MAP4: variants seen among roughly 807,000 people sequenced by gnomAD.
The protein encoded by MAP4 is microtubule associated protein 4.
In MAP4, 76 loss-of-function variants were observed where a neutral mutation model predicts 170.2. The observed-to-expected ratio is 0.45, with a 90% confidence interval of 0.37 to 0.54. The LOEUF is 0.54. Ranked by LOEUF, MAP4 falls within the 20% of genes least tolerant of loss-of-function variation. MAP4 has a pLI of 0.00. For missense variants in MAP4, 2,506 were observed against 2,748.0 expected (o/e 0.91, Z 1.97); for synonymous variants, 909 against 994.5 (o/e 0.91, Z 1.62).
intron 10 of MAP4, 46 bp from the exon 11 acceptor site, chr3:47,877,569 C>T (rs760919130): frequency 7.6e-7 from 1 of 1,312,232 alleles, no homozygotes; most frequent in Non-Finnish European, 1.1e-6. Context: ...AAACATTTTA[C>T]ATGCCCATTT....
In MAP4 at chr3:48,002,991, A is replaced by AAATTAATTAATT. The variant is rs1553716141; in HGVS notation, c.-19-4113_-19-4112insAATTAATTAATT. ...TAAATAAATAAATAAATAAATAAAT[A>AAATTAATTAATT]AATTTAATTCCATTTAGAAATATCT... On this transcript the variant is annotated intron_variant, in intron 1 of 20. Coordinates refer to ENST00000683076, the MANE Select transcript of MAP4 (RefSeq NM_001385682.1). Among the ~76,000 whole-genome samples, 670 of 150,650 alleles carry AAATTAATTAATT rather than the reference A, an allele frequency of 4.4e-3. 5 individuals carry two copies. Among genetic ancestry groups the AAATTAATTAATT allele is most frequent in the African/African-American group, 0.015 (631 of 40,790 alleles).
chr3:48,046,921 C>T (rs994589944), intron 1 of MAP4, among the ~76,000 whole-genome samples: 3 of 151,832 alleles, frequency 2.0e-5, no homozygotes, highest in South Asian at 4.2e-4. Context: ...GGTTAAACCC[C>T]GTCTCTACTA....
At chr3:47,915,845 G>T in intron 7 of MAP4, 106 bp downstream of exon 7, 1 of 1,321,280 alleles carries the variant, frequency 7.6e-7, no homozygotes, top group Non-Finnish European at 1.0e-6. Context: ...AACTTGCAAA[G>T]TACAGTGTGA....
chr3:47,870,612 A>G (rs1377872338), intron 15 of MAP4, among the ~76,000 whole-genome samples: 1 of 152,204 alleles, frequency 6.6e-6, no homozygotes, highest in East Asian at 1.9e-4. Context: ...TGAGACAGGA[A>G]GAGAAAGCCC....
intron 5 of MAP4, among the ~76,000 whole-genome samples, chr3:47,920,554 T>G (rs924889259): frequency 6.6e-6 from 1 of 150,692 alleles, no homozygotes; most frequent in Non-Finnish European, 1.5e-5. Context: ...GTTTTTTTTT[T>G]TTTTTTTTTT....
At chr3:47,978,819 T>C (rs1055733338) in intron 2 of MAP4, among the ~76,000 whole-genome samples, 5 of 151,798 alleles carry the variant, frequency 3.3e-5, no homozygotes, top group African/African-American at 1.2e-4. Context: ...CATCTTTTCA[T>C]GTGTTTCTCT....
At chr3:47,895,659 C>T (rs2100026450) in intron 10 of MAP4, among the ~76,000 whole-genome samples, 1 of 152,210 alleles carries the variant, frequency 6.6e-6, no homozygotes, top group African/African-American at 2.4e-5. Flanking sequence ...GGCCAGCCTA[C>T]CCAGACCCAC....
intron 1 of MAP4, among the ~76,000 whole-genome samples, chr3:48,074,022 G>A (rs993748210): frequency 6.6e-6 from 1 of 151,846 alleles, no homozygotes; most frequent in Non-Finnish European, 1.5e-5. Flanking sequence ...TGTTTACTGC[G>A]GCACTATTCA....
chr3:47,854,412 C>T (rs376026525), intron 19 of MAP4, among the ~76,000 whole-genome samples: 1 of 152,186 alleles, frequency 6.6e-6, no homozygotes, highest in East Asian at 1.9e-4. Context: ...AGGGGACGGG[C>T]TGGGCAGTGG....
intron 10 of MAP4, among the ~76,000 whole-genome samples, chr3:47,884,493 G>T (rs75090950): frequency 0.013 from 1,977 of 152,192 alleles, 44 homozygotes; most frequent in African/African-American, 0.045. Flanking sequence ...TAGTCTACAG[G>T]TTATGACTGT....
At chr3:48,020,903 ATCCTCCAGCC>A (rs1424381355), upstream of MAP4, among the ~76,000 whole-genome samples, 3 of 151,962 alleles carry the variant, frequency 2.0e-5, no homozygotes, top group African/African-American at 7.3e-5. Context: ...GGCTCAAGCG[ATCCTCCAGCC>A]TCAACCTCCC....
At chr3:48,026,775 TTC>T (rs199779881) in intron 1 of MAP4, among the ~76,000 whole-genome samples, 3,102 of 152,276 alleles carry the variant, frequency 0.02, 69 homozygotes, top group Non-Finnish European at 0.022. Context: ...ACATCATTAT[TTC>T]CATATAGAAC....
chr3:47,908,508 G>T (rs995850683), intron 9 of MAP4, among the ~76,000 whole-genome samples: 1 of 152,142 alleles, frequency 6.6e-6, no homozygotes, highest in Admixed American at 6.5e-5. Flanking sequence ...TACCAATGCT[G>T]GTTTGAGGCC....
chr3:47,930,602 C>T (rs1353369223), intron 3 of MAP4, among the ~76,000 whole-genome samples: 4 of 152,104 alleles, frequency 2.6e-5, no homozygotes, highest in African/African-American at 9.7e-5. Context: ...ATTATAATCT[C>T]TTACAATACA....
At chr3:48,051,562 A>T (rs7627568) in intron 1 of MAP4, among the ~76,000 whole-genome samples, 91,520 of 151,702 alleles carry the variant, frequency 0.6, 28,860 homozygotes, top group East Asian at 0.72. Context: ...ATGGTTATTG[A>T]TTTTGGCAAG....
Position 47,917,605 on chromosome 3 carries a change from G to A in MAP4, c.653-431C>T, listed in dbSNP as rs1489633112. On this transcript the variant is annotated intron_variant, in intron 6 of 20. Transcript: ENST00000683076. ...CGTCTCAAAAAAAAAAAAAAAAAAA[G>A]AAGAAGAAGCTAATGTCAAGTAACA... is the stretch of plus-strand genomic sequence containing the variant. 2.7e-3 allele frequency among the ~76,000 whole-genome samples: 369 copies of A among 138,048 alleles called. 3 individuals are homozygous for A. Among genetic ancestry groups the A allele is most frequent in the African/African-American group, 9.4e-3 (341 of 36,174 alleles). The allele number at this position is 138,048 out of a possible 152,430, so 90.6% of individuals were successfully genotyped here.
intron 2 of MAP4, among the ~76,000 whole-genome samples, chr3:47,988,931 C>G (rs181240201): frequency 6.6e-6 from 1 of 152,242 alleles, no homozygotes; most frequent in East Asian, 1.9e-4. Context: ...TTGCCCCAGC[C>G]CCCTGAGTAG....
chr3:48,025,745 C>T (rs987243207), intron 1 of MAP4, among the ~76,000 whole-genome samples: 1 of 151,320 alleles, frequency 6.6e-6, no homozygotes, highest in South Asian at 2.1e-4. Context: ...ACTAAAAATA[C>T]AAAAATTAGC....
intron 3 of MAP4, among the ~76,000 whole-genome samples, chr3:47,940,650 A>AT (rs1459731991): frequency 6.6e-6 from 1 of 152,238 alleles, no homozygotes; most frequent in Non-Finnish European, 1.5e-5. Context: ...AACAAGTAGC[A>AT]TATCTACATA....
Sources: allele counts gnomAD v4.1 joint callset (sites outside exome capture counted in the v4.1 genomes callset), GRCh38; gene constraint gnomAD v4.1.1; transcripts MANE v1.5; gene names NCBI Gene and HGNC (gene_info 2026-07-23, HGNC 2026-07-21).